The following ZDHHC24 variants were observed in gnomAD, a reference collection of about 807,000 sequenced individuals.
ZDHHC24 encodes the protein probable palmitoyltransferase ZDHHC24.
In ZDHHC24, 17 loss-of-function variants were observed where a neutral mutation model predicts 23.2. The observed-to-expected ratio is 0.73, with a 90% CI of 0.50 to 1.10. The LOEUF (loss-of-function observed/expected upper bound fraction) is 1.10. Among genes scored for constraint, ZDHHC24 ranks in the 50% least tolerant of loss-of-function variants. The pLI, the probability that ZDHHC24 is intolerant of heterozygous loss-of-function variation, is 0.00. For synonymous variants in ZDHHC24, 186 were observed against 194.5 expected (o/e 0.96, Z 0.36); for missense variants, 366 against 393.0 (o/e 0.93, Z 0.58).
exon 5 of ZDHHC24, chr11:66,521,157 T>C (rs565337288): frequency 1.2e-6 from 1 of 809,474 alleles, no homozygotes; most frequent in Non-Finnish European, 2.2e-6. Flanking sequence ...AAACTGGGTG[T>C]AAGTGAGGAG....
At chr11:66,532,441 T>G, downstream of ZDHHC24, 1 of 198,596 alleles carries the variant, frequency 5.0e-6, no homozygotes, top group Non-Finnish European at 1.0e-5. Flanking sequence ...AAAATTGGGC[T>G]AGTCCTGGCC....
chr11:66,523,769 A>G lies in ZDHHC24; in HGVS notation c.*22-2303T>C. The G allele has an allele frequency of 6.8e-6, 11 of 1,613,132 alleles. No individual in the cohort carries two copies. Among genetic ancestry groups the G allele is most frequent in the Non-Finnish European group, 8.5e-6 (10 of 1,180,026 alleles). On this transcript the variant is annotated intron_variant, in intron 4 of 4. Transcript: ENST00000526986. ...GCAGATGCCCGCAGCCATCCTGACC[A>G]TGAACCTCCTGGAGCAGCATTCCCG...
chr11:66,523,627 C>T, intron 4 of ZDHHC24: 1 of 1,613,108 alleles, frequency 6.2e-7, no homozygotes, highest in African/African-American at 1.3e-5. Flanking sequence ...CCCTAGCCCC[C>T]ACTTGGCAAG....
At chr11:66,541,057 GT>G (rs1857137078) in intron 2 of ZDHHC24, among the ~76,000 whole-genome samples, 1 of 152,088 alleles carries the variant, frequency 6.6e-6, no homozygotes, top group Non-Finnish European at 1.5e-5. Flanking sequence ...AGTGGTGATG[GT>G]TGCACTACAT....
chr11:66,531,057 AG>A, downstream of ZDHHC24: 1 of 1,613,698 alleles, frequency 6.2e-7, no homozygotes, highest in East Asian at 2.2e-5. Flanking sequence ...TTAGATATGG[AG>A]TGGGAAAGGC....
chr11:66,531,504 C>T (rs2134839868), downstream of ZDHHC24: 5 of 1,018,806 alleles, frequency 4.9e-6, no homozygotes, highest in East Asian at 9.5e-5. Flanking sequence ...TTCACTTCCC[C>T]ACCACACCTG....
rs1361236168 is a variant in ZDHHC24 at position 66,537,133 on chromosome 11, A to C, written c.*2396T>G. On this transcript the variant is annotated 3_prime_UTR_variant, in exon 3 of 3. Coordinates refer to ENST00000310442, the MANE Select transcript of ZDHHC24 (RefSeq NM_207340.3). ...TCTTGGGGGTCAAGCATGTTCTTTC[A>C]TGGGAGGCCCCCCAGCAGTATCTAT... 6.6e-6 allele frequency: 1 copy of C among 151,900 alleles called. No individual in the cohort carries two copies. 9.4% of individuals were successfully genotyped at this position (151,900 alleles called of 1,614,324 possible). A position where few individuals can be genotyped will look rare whatever the true frequency, so the allele number is the denominator to read the frequency against.
rs1857078096 is a variant in ZDHHC24 at position 66,539,423 on chromosome 11, T to TGTCCAATGCAGATGTTAAG, written c.*87_*105dup. 7.2e-7 allele frequency: 1 copy of TGTCCAATGCAGATGTTAAG among 1,397,366 alleles called. No individual in the cohort carries two copies. Among genetic ancestry groups the TGTCCAATGCAGATGTTAAG allele is most frequent in the Non-Finnish European group, 9.3e-7 (1 of 1,078,054 alleles). 86.6% of individuals were successfully genotyped at this position (1,397,366 alleles called of 1,614,324 possible). ...GGCAAGGCCAAGGAAGGGGTGGAGT[T>TGTCCAATGCAGATGTTAAG]GTCCAATGCAGATGTTAAGGTCCAA... On this transcript the variant is annotated 3_prime_UTR_variant, in exon 3 of 3. Transcript: ENST00000310442.
At chr11:66,521,999 T>A (rs1478798826) in intron 4 of ZDHHC24, among the ~76,000 whole-genome samples, 1 of 148,914 alleles carries the variant, frequency 6.7e-6, no homozygotes, top group African/African-American at 2.5e-5. Context: ...GGGTGGATCA[T>A]GAGGTCAGGA....
chr11:66,541,033 T>A (rs978485605), intron 2 of ZDHHC24, among the ~76,000 whole-genome samples: 1 of 152,152 alleles, frequency 6.6e-6, no homozygotes, highest in Admixed American at 6.6e-5. Flanking sequence ...GATGAAAATG[T>A]TCTGGAATTA....
At chr11:66,544,104 A>G in intron 1 of ZDHHC24, 123 bp from the exon 2 acceptor site, 1 of 1,293,338 alleles carries the variant, frequency 7.7e-7, no homozygotes, top group Non-Finnish European at 1.1e-6. Flanking sequence ...CTAAGCCTCA[A>G]TTTCTTTACA....
Position 66,539,931 on chromosome 11 carries a change from C to G in ZDHHC24, c.560-107G>C, listed in dbSNP as rs1014259438. ...AGGGCTCATTCCTCCGCTCAGCAAA[C>G]CCTGTGTCGATACTCGCTGGCCAGC... On this transcript the variant is annotated intron_variant, in intron 2 of 2. Coordinates refer to ENST00000310442, the MANE Select transcript of ZDHHC24 (RefSeq NM_207340.3). 4.2e-6 allele frequency: 5 copies of G among 1,186,796 alleles called. No individual in the cohort carries two copies. In the African/African-American group the frequency reaches 6.2e-5, roughly 15 times the overall value. 73.5% of individuals were successfully genotyped at this position (1,186,796 alleles called of 1,614,324 possible).
chr11:66,533,358 C>T (rs965812932), downstream of ZDHHC24: 1 of 152,250 alleles, frequency 6.6e-6, no homozygotes, highest in African/African-American at 2.4e-5. Flanking sequence ...CCAGCAGTCA[C>T]TTCCAGTTCA....
chr11:66,523,279 A>G, intron 4 of ZDHHC24: 6 of 834,332 alleles, frequency 7.2e-6, no homozygotes, highest in South Asian at 7.0e-5. Context: ...GACACACTTG[A>G]TGTTTTCCAA....
intron 2 of ZDHHC24, among the ~76,000 whole-genome samples, chr11:66,540,027 T>A (rs1384560841): frequency 6.6e-6 from 1 of 152,112 alleles, no homozygotes; most frequent in Non-Finnish European, 1.5e-5. Context: ...ACGGCTTCAT[T>A]CCTGCATCAC....
intron 2 of ZDHHC24, among the ~76,000 whole-genome samples, chr11:66,540,173 T>G (rs370302296): frequency 2.0e-5 from 3 of 151,970 alleles, no homozygotes; most frequent in East Asian, 3.9e-4. Context: ...ATCCCAGCAC[T>G]TTGGGGGGGC....
chr11:66,544,959 G>A (rs1021090609), intron 1 of ZDHHC24, among the ~76,000 whole-genome samples: 1 of 152,106 alleles, frequency 6.6e-6, no homozygotes, highest in South Asian at 2.1e-4. Context: ...GTACAGCTTG[G>A]AATAAATCAA....
Position 66,526,130 on chromosome 11 carries a change from T to TG in ZDHHC24, c.*21+805dup. 1 of 1,614,206 alleles carries TG rather than the reference T, an allele frequency of 6.2e-7. No homozygotes were observed. The highest frequency in any genetic ancestry group is 8.5e-7 in the Non-Finnish European group (1 of 1,180,024). ...TCTGACGTCTCCACATAGGATGCAG[T>TG]GACCAGCCTTTGCTTTGGCCGGTAC... On this transcript the variant is annotated intron_variant, in intron 4 of 4. Transcript: ENST00000526986.
In ZDHHC24 at chr11:66,545,639, C is replaced by T. The variant is rs1857291805; in HGVS notation, c.281+84G>A. ...TAACAACCTGGATCCTAATGTAACCCGGTTCTAACATCTCAGGTCTTGGGG... is the reference window on the plus strand; with the variant it reads ...TAACAACCTGGATCCTAATGTAACCTGGTTCTAACATCTCAGGTCTTGGGG... On this transcript the variant is annotated intron_variant, in intron 1 of 2. Transcript: ENST00000310442. The surrounding 1 kb of genome is among the most constrained non-coding windows in gnomAD (Gnocchi z 4.5). The T allele has an allele frequency of 7.4e-7, 1 of 1,358,342 alleles. No individual in the cohort carries two copies. The highest frequency in any genetic ancestry group is 1.6e-5 in the South Asian group (1 of 62,356). The allele number at this position is 1,358,342 out of a possible 1,614,324, so 84.1% of individuals were successfully genotyped here.
Sources: gnomAD v4.1 joint callset for allele counts (sites outside exome capture counted in the v4.1 genomes callset) on GRCh38, gnomAD v4.1.1 for gene constraint, Gnocchi (gnomAD v3.1) non-coding constraint, MANE v1.5 for transcripts, NCBI Gene and HGNC (gene_info 2026-07-23, HGNC 2026-07-21) for gene names.